IL34: variants seen among roughly 807,000 people sequenced by gnomAD.
IL34 encodes interleukin-34.
In IL34, 17 loss-of-function variants were observed where a neutral mutation model predicts 25.3. The ratio of observed to expected loss-of-function variants is 0.67; its 90% confidence interval spans 0.46 to 1.01. The LOEUF (loss-of-function observed/expected upper bound fraction) is 1.01, where lower values mean the gene tolerates loss of function less well. IL34 is among the 50% of genes least tolerant of loss of function. The probability of loss-of-function intolerance (pLI) is 0.00; values close to 1 mark genes in which losing one functional copy is unlikely to be tolerated. For synonymous variants in IL34, 174 were observed against 140.9 expected, an observed-to-expected ratio of 1.23 and a Z score of -1.66; for missense variants, 368 against 312.9, an observed-to-expected ratio of 1.18 and a Z score of -1.33.
intron 1 of IL34, among the ~76,000 whole-genome samples, chr16:70,627,994 A>G (rs1253019899): frequency 6.6e-6 from 1 of 152,196 alleles, no homozygotes; most frequent in Non-Finnish European, 1.5e-5. Context: ...GCACACGTTC[A>G]ATTTCAGAAA....
At chr16:70,586,630 G>A (rs1251006810) in intron 1 of IL34, among the ~76,000 whole-genome samples, 5 of 152,180 alleles carry the variant, frequency 3.3e-5, no homozygotes, top group African/African-American at 4.8e-5. Flanking sequence ...AACCCCTCCC[G>A]TGGTGAGGGG....
At chr16:70,639,668 G>A (rs2051736052) in intron 1 of IL34, among the ~76,000 whole-genome samples, 1 of 152,166 alleles carries the variant, frequency 6.6e-6, no homozygotes, top group Non-Finnish European at 1.5e-5. Flanking sequence ...AGACAAGACA[G>A]AGGAGTCCAG....
chr16:70,637,232 C>T (rs1043995285), intron 1 of IL34, among the ~76,000 whole-genome samples: 3 of 151,914 alleles, frequency 2.0e-5, no homozygotes, highest in Non-Finnish European at 4.4e-5. Flanking sequence ...ATGATCCTTC[C>T]CCATTTTTTA....
At chr16:70,606,746 C>A (rs952692962) in intron 1 of IL34, among the ~76,000 whole-genome samples, 33 of 152,042 alleles carry the variant, frequency 2.2e-4, no homozygotes, top group Non-Finnish European at 4.6e-4. Context: ...TGCCACCATG[C>A]CGGGCTAATT....
chr16:70,620,701 C>T lies in IL34; in HGVS notation c.-400-25847C>T, dbSNP rs117414038. On this transcript the variant is annotated intron_variant, in intron 1 of 6. Transcript: ENST00000429149. ...GACGTCAGGCACCTCAGACCTTCTG[C>T]GTATTTTACAACAAGAATTATTTAG... 1.3e-3 allele frequency among the ~76,000 whole-genome samples: 188 copies of T among 148,054 alleles called. 3 individuals carry two copies. In the East Asian group the frequency reaches 0.03, roughly 23 times the overall value.
chr16:70,606,761 T>G (rs2051011736), intron 1 of IL34, among the ~76,000 whole-genome samples: 1 of 152,130 alleles, frequency 6.6e-6, no homozygotes, highest in African/African-American at 2.4e-5. Context: ...CTAATTTTTG[T>G]ATTTTTTGTA....
chr16:70,598,417 G>T (rs2050856986), intron 1 of IL34, among the ~76,000 whole-genome samples: 1 of 151,988 alleles, frequency 6.6e-6, no homozygotes, highest in Non-Finnish European at 1.5e-5. Flanking sequence ...CACTGCTCCT[G>T]GTGCTTCTGT....
intron 1 of IL34, among the ~76,000 whole-genome samples, chr16:70,585,456 G>T (rs2050681767): frequency 1.3e-5 from 2 of 152,044 alleles, no homozygotes; most frequent in Non-Finnish European, 2.9e-5. Context: ...ACTTTGGGAG[G>T]CCGAGGCAGA....
At chr16:70,655,382 C>G (rs891113894) in intron 2 of IL34, among the ~76,000 whole-genome samples, 1 of 148,802 alleles carries the variant, frequency 6.7e-6, no homozygotes, top group Non-Finnish European at 1.5e-5. Context: ...TTTAACTTTT[C>G]CTAAAAATCC....
chr16:70,610,372 A>T (rs1443557894), intron 1 of IL34, among the ~76,000 whole-genome samples: 1 of 152,156 alleles, frequency 6.6e-6, no homozygotes, highest in Non-Finnish European at 1.5e-5. Context: ...CCGAGTGTTC[A>T]GTTGACCCAG....
intron 1 of IL34, among the ~76,000 whole-genome samples, chr16:70,608,069 G>T (rs933734138): frequency 7.3e-5 from 11 of 150,044 alleles, no homozygotes; most frequent in Admixed American, 4.0e-4. Flanking sequence ...TGCCCGGCCG[G>T]TTTTTCTTTT....
intron 1 of IL34, among the ~76,000 whole-genome samples, chr16:70,594,370 G>T (rs1276256089): frequency 6.6e-6 from 1 of 152,096 alleles, no homozygotes; most frequent in Non-Finnish European, 1.5e-5. Flanking sequence ...TATTTTTAGG[G>T]TGCTAATATA....
chr16:70,618,736 C>G lies in IL34; in HGVS notation c.-400-27812C>G, dbSNP rs2051214958. 2.6e-5 allele frequency among the ~76,000 whole-genome samples: 4 copies of G among 152,148 alleles called. No homozygotes were observed. The South Asian group carries it at 8.3e-4, about 32-fold the overall frequency. On this transcript the variant is annotated intron_variant, in intron 1 of 6. Transcript: ENST00000429149. ...GCTGGGGTTTGAGAGATCAGTCGGA[C>G]AGGGAGATCACGTGTGTTTTTATGA...
At chr16:70,658,603 T>C (rs951502543) in intron 4 of IL34, among the ~76,000 whole-genome samples, 4 of 152,042 alleles carry the variant, frequency 2.6e-5, no homozygotes, top group African/African-American at 7.2e-5. Context: ...TGCCTCAGCC[T>C]CCCAAGTAGC....
chr16:70,638,302 C>T (rs750003415), intron 1 of IL34, among the ~76,000 whole-genome samples: 39 of 152,124 alleles, frequency 2.6e-4, no homozygotes, highest in Admixed American at 4.6e-4. Flanking sequence ...CTTAGCAAGA[C>T]CTTGTCTCTA....
intron 1 of IL34, among the ~76,000 whole-genome samples, chr16:70,652,287 C>G (rs1263609196): frequency 1.3e-5 from 2 of 151,688 alleles, no homozygotes; most frequent in Non-Finnish European, 2.9e-5. Flanking sequence ...AAGACCTCCT[C>G]TCTACAAAAA....
chr16:70,654,622 CG>C lies in IL34; in HGVS notation c.116del (p.Gly39ValfsTer16). 1 of 1,613,302 alleles carries C rather than the reference CG, an allele frequency of 6.2e-7. No individual in the cohort carries two copies. Among genetic ancestry groups the C allele is most frequent in the Non-Finnish European group, 8.5e-7 (1 of 1,179,416 alleles). ...ACGCAGAATGAGGAGTGCACTGTCA[CG>C]GGTTTTCTGCGGGACAAGCTGCAGT... ...PLTQNEECTVTGFLRDKLQYR... is the reference protein window; with the variant it reads ...PLTQNEECTVXGFLRDKLQYR... On this transcript the variant is annotated frameshift_variant, in exon 2 of 6. Coordinates refer to ENST00000288098, the MANE Select transcript of IL34 (RefSeq NM_001393494.1). LOFTEE classifies it high-confidence loss of function.
intron 1 of IL34, among the ~76,000 whole-genome samples, chr16:70,603,480 G>A (rs928736585): frequency 3.3e-5 from 5 of 152,194 alleles, no homozygotes; most frequent in East Asian, 1.9e-4. Flanking sequence ...GGTTTCTCAC[G>A]TTGGTCAGGC....
At chr16:70,619,960 G>C (rs937220498) in intron 1 of IL34, among the ~76,000 whole-genome samples, 9 of 150,150 alleles carry the variant, frequency 6.0e-5, no homozygotes, top group Non-Finnish European at 1.2e-4. Context: ...CTGGAGGAAC[G>C]CCTGGCCGCT....
Sources: gnomAD v4.1 joint callset for allele counts (sites outside exome capture counted in the v4.1 genomes callset) on GRCh38, gnomAD v4.1.1 for gene constraint, MANE v1.5 for transcripts, NCBI Gene and HGNC (gene_info 2026-07-23, HGNC 2026-07-21) for gene names.